The following UNC93A variants were observed in gnomAD, a reference collection of about 807,000 sequenced individuals.
UNC93A encodes N-acetylglucosamine transporter UNC93A.
UNC93A carries 43 observed loss-of-function variants against 47.5 expected under a neutral mutation model. The observed-to-expected ratio is 0.91, with a 90% confidence interval of 0.71 to 1.17. UNC93A has a LOEUF of 1.17. UNC93A is among the 50% of genes most tolerant of loss of function. The pLI, the probability that UNC93A is intolerant of heterozygous loss-of-function variation, is 0.00. For missense variants in UNC93A, 605 were observed against 577.6 expected (o/e 1.05, Z -0.49); for synonymous variants, 280 against 258.0 (o/e 1.09, Z -0.82).
chr6:167,285,017 C>G (rs201987612), intron 1 of UNC93A, among the ~76,000 whole-genome samples: 15 of 152,212 alleles, frequency 9.9e-5, no homozygotes, highest in African/African-American at 3.4e-4. Context: ...ACATCATCAG[C>G]TTGATTTTCT....
intron 7 of UNC93A, among the ~76,000 whole-genome samples, 164 bp downstream of exon 7, chr6:167,308,074 A>T (rs1778453287): frequency 6.6e-6 from 1 of 152,108 alleles, no homozygotes; most frequent in African/African-American, 2.4e-5. Context: ...AGTCTGATGT[A>T]TTTTCTCTGA....
At chr6:167,294,027 C>T (rs1261309888) in intron 1 of UNC93A, among the ~76,000 whole-genome samples, 2 of 152,308 alleles carry the variant, frequency 1.3e-5, no homozygotes, top group Admixed American at 6.5e-5. Context: ...GACGGGCACT[C>T]GGAGGCGGGC....
chr6:167,273,525 T>A (rs190154540), intron 1 of UNC93A, among the ~76,000 whole-genome samples: 1 of 152,280 alleles, frequency 6.6e-6, no homozygotes, highest in Admixed American at 6.5e-5. Context: ...TTTTAAAAAG[T>A]TGTCTATAAA....
chr6:167,287,363 T>C (rs972782050), upstream of UNC93A, among the ~76,000 whole-genome samples: 7 of 152,164 alleles, frequency 4.6e-5, no homozygotes, highest in African/African-American at 1.7e-4. Flanking sequence ...GGGGTGTGGA[T>C]AGCGTGTGTA....
At chr6:167,310,099 A>G (rs1778516480) in intron 7 of UNC93A, among the ~76,000 whole-genome samples, 1 of 152,220 alleles carries the variant, frequency 6.6e-6, no homozygotes, top group Non-Finnish European at 1.5e-5. Flanking sequence ...CTACGTTACC[A>G]ATAAGCATCA....
At chr6:167,276,064 CTT>C (rs59625593) in intron 1 of UNC93A, among the ~76,000 whole-genome samples, 3 of 139,574 alleles carry the variant, frequency 2.1e-5, no homozygotes, top group Admixed American at 1.5e-4. Flanking sequence ...CTTTTCTTTT[CTT>C]TTTTTTTTTT....
At chr6:167,290,117 C>A (rs1002331653), upstream of UNC93A, among the ~76,000 whole-genome samples, 1 of 152,150 alleles carries the variant, frequency 6.6e-6, no homozygotes, top group Non-Finnish European at 1.5e-5. Context: ...GACTCAGTGA[C>A]CCACCTGAGA....
At chr6:167,301,260 C>T (rs921545971) in intron 4 of UNC93A, among the ~76,000 whole-genome samples, 3 of 152,318 alleles carry the variant, frequency 2.0e-5, no homozygotes, top group Admixed American at 6.5e-5. Flanking sequence ...AGCCCCATCT[C>T]GGTTCACGGA....
chr6:167,306,028 C>A lies in UNC93A; in HGVS notation c.954C>A (p.Gly318=), dbSNP rs374466951. 3 of 1,614,074 alleles carry A rather than the reference C, an allele frequency of 1.9e-6. No homozygotes were observed. The highest frequency in any genetic ancestry group is 2.5e-6 in the Non-Finnish European group (3 of 1,180,050). Residue 318 remains glycine (G), a synonymous_variant, in exon 6 of 8, where the codon GGC becomes GGA. Coordinates refer to ENST00000230256, the MANE Select transcript of UNC93A (RefSeq NM_018974.4). The part of the protein sequence containing the change: ...VLYGKVSQYT[G]RAVLYVLGAV... ...ATGGAAAGGTCTCGCAGTACACGGGCAGGGCTGTGCTGTACGTGCTGGGTA... is the reference window on the plus strand; with the variant it reads ...ATGGAAAGGTCTCGCAGTACACGGGAAGGGCTGTGCTGTACGTGCTGGGTA...
intron 6 of UNC93A, 50 bp from the exon 7 acceptor site, chr6:167,307,729 G>A: frequency 6.4e-7 from 1 of 1,568,068 alleles, no homozygotes; most frequent in Non-Finnish European, 8.6e-7. Context: ...GCCCCTCCAG[G>A]CCATGATGAT....
intron 7 of UNC93A, among the ~76,000 whole-genome samples, chr6:167,313,640 A>T (rs1778614914): frequency 6.6e-6 from 1 of 152,124 alleles, no homozygotes; most frequent in Non-Finnish European, 1.5e-5. Flanking sequence ...TTAAAATTAG[A>T]GTTGCCTGTA....
chr6:167,302,288 T>C (rs3010549), intron 4 of UNC93A, among the ~76,000 whole-genome samples: 108,983 of 151,962 alleles, frequency 0.72, 39,753 homozygotes, highest in African/African-American at 0.86. Flanking sequence ...AGGACACTGA[T>C]GCTGAGAGAG....
At chr6:167,283,064 A>G (rs1252364544) in intron 1 of UNC93A, among the ~76,000 whole-genome samples, 1 of 152,276 alleles carries the variant, frequency 6.6e-6, no homozygotes, top group South Asian at 2.1e-4. Flanking sequence ...TCCCATTCAG[A>G]CATTTAAAAA....
At chr6:167,302,435 G>T (rs151217734) in intron 4 of UNC93A, among the ~76,000 whole-genome samples, 1 of 152,088 alleles carries the variant, frequency 6.6e-6, no homozygotes, top group Non-Finnish European at 1.5e-5. Flanking sequence ...GGGAAGGATC[G>T]CCACCACTCT....
chr6:167,279,475 A>G (rs974926537), intron 1 of UNC93A, among the ~76,000 whole-genome samples: 3 of 152,214 alleles, frequency 2.0e-5, no homozygotes, highest in African/African-American at 7.2e-5. Flanking sequence ...ACACTTCTGC[A>G]TTTTAATATC....
intron 1 of UNC93A, among the ~76,000 whole-genome samples, chr6:167,283,151 A>T (rs1783660799): frequency 6.6e-6 from 1 of 152,164 alleles, no homozygotes; most frequent in African/African-American, 2.4e-5. Context: ...GAAAATGTAA[A>T]TTTTCCCTGC....
At chr6:167,307,675 A>G in intron 6 of UNC93A, 104 bp from the exon 7 acceptor site, 3 of 1,433,978 alleles carry the variant, frequency 2.1e-6, no homozygotes, top group Non-Finnish European at 2.9e-6. Flanking sequence ...GGACAGTTCC[A>G]GAGGACGGTT....
At chr6:167,278,708 C>G (rs1029653480) in intron 1 of UNC93A, among the ~76,000 whole-genome samples, 1 of 152,108 alleles carries the variant, frequency 6.6e-6, no homozygotes, top group African/African-American at 2.4e-5. Flanking sequence ...CATCTGCTTC[C>G]TGCTGTGACA....
At chr6:167,277,395 G>A (rs1217828861) in intron 1 of UNC93A, among the ~76,000 whole-genome samples, 1 of 152,168 alleles carries the variant, frequency 6.6e-6, no homozygotes, top group Non-Finnish European at 1.5e-5. Context: ...AGTCACTGCT[G>A]GCCTGACCAA....
Sources: gnomAD v4.1 joint callset for allele counts (sites outside exome capture counted in the v4.1 genomes callset) on GRCh38, gnomAD v4.1.1 for gene constraint, MANE v1.5 for transcripts, NCBI Gene and HGNC (gene_info 2026-07-23, HGNC 2026-07-21) for gene names.